The following ANGPTL4 variants were observed in gnomAD, a reference collection of about 807,000 sequenced individuals.
ANGPTL4 encodes the protein angiopoietin-related protein 4.
In ANGPTL4, 39 loss-of-function variants were observed where a neutral mutation model predicts 39.2. That is an observed-to-expected ratio of 1.00 (90% CI 0.77 to 1.30). The LOEUF (loss-of-function observed/expected upper bound fraction) is 1.30. Ranked by LOEUF, ANGPTL4 falls within the 50% of genes most tolerant of loss-of-function variation. ANGPTL4 has a pLI of 0.00. For missense variants in ANGPTL4, 545 were observed against 549.8 expected (o/e 0.99, Z 0.09); for synonymous variants, 233 against 229.5 (o/e 1.02, Z -0.14).
chr19:8,373,009 C>T (rs908259531), intron 6 of ANGPTL4, among the ~76,000 whole-genome samples: 25 of 151,616 alleles, frequency 1.6e-4, no homozygotes, highest in Non-Finnish European at 3.4e-4. Context: ...GGGCTCACAC[C>T]TGTAATCCCA....
chr19:8,374,186 C>T lies in ANGPTL4; in HGVS notation c.*300C>T, dbSNP rs1971187701. 4.9e-6 allele frequency: 2 copies of T among 412,060 alleles called. No homozygotes were observed. Among genetic ancestry groups the T allele is most frequent in the Non-Finnish European group, 9.1e-6 (2 of 219,830 alleles). 25.5% of individuals were successfully genotyped at this position (412,060 alleles called of 1,614,324 possible). On this transcript the variant is annotated 3_prime_UTR_variant, in exon 7 of 7. Coordinates refer to ENST00000301455, the MANE Select transcript of ANGPTL4 (RefSeq NM_139314.3). ...GGGACTCAGAGGGACCACTTGGGGC[C>T]AGCCAGACTGGCCTCAATGGCGGAC...
At chr19:8,369,003 G>T (rs757915624) in intron 3 of ANGPTL4, among the ~76,000 whole-genome samples, 1 of 152,212 alleles carries the variant, frequency 6.6e-6, no homozygotes, top group African/African-American at 2.4e-5. Flanking sequence ...GGATGGGCAC[G>T]GGGGCTGGTC....
intron 6 of ANGPTL4, 155 bp from the exon 7 acceptor site, chr19:8,373,550 G>C (rs1047171853): frequency 2.6e-6 from 1 of 379,646 alleles, no homozygotes; most frequent in Non-Finnish European, 3.6e-6. Flanking sequence ...CAGCCTGGGT[G>C]ACAGAGTAAG....
rs937676104 is a variant in ANGPTL4, at chr19:8,372,086, C to T, written c.1039+564C>T. On this transcript the variant is annotated intron_variant, in intron 6 of 6. Coordinates refer to ENST00000301455, the MANE Select transcript of ANGPTL4 (RefSeq NM_139314.3). The stretch of plus-strand genomic sequence containing the variant: ...TTATTTATTTTTTGAGACAGAGTCC[C>T]GCTGTGTCTCCCAGGCTGGAGTGCA... 4.0e-5 allele frequency among the ~76,000 whole-genome samples: 6 copies of T among 150,324 alleles called. No individual in the cohort carries two copies. The East Asian group carries it at 6.0e-4, about 15-fold the overall frequency.
At chr19:8,365,306 C>T (rs950631695) in intron 1 of ANGPTL4, among the ~76,000 whole-genome samples, 1 of 151,492 alleles carries the variant, frequency 6.6e-6, no homozygotes, top group Non-Finnish European at 1.5e-5. Context: ...AGTGAAACCC[C>T]GTCTCTACTA....
In ANGPTL4 at chr19:8,371,183, G is replaced by A. The variant is rs1296722834; in HGVS notation, c.757+32G>A. 13 of 1,613,952 alleles carry A rather than the reference G, an allele frequency of 8.1e-6. No individual in the cohort carries two copies. Among genetic ancestry groups the A allele is most frequent in the Non-Finnish European group, 1.1e-5 (13 of 1,180,000 alleles). ...GTTTCTAGTGGGGACAGAGGCAGGG[G>A]AGGAAGAGGGACCCTCAGAAGTGGC... On this transcript the variant is annotated intron_variant, in intron 5 of 6. Coordinates refer to ENST00000301455, the MANE Select transcript of ANGPTL4 (RefSeq NM_139314.3). This position sits in a 1 kb window ranked among gnomAD's most constrained non-coding sequence, Gnocchi z 5.1.
At chr19:8,370,933 G>T in intron 4 of ANGPTL4, 123 bp from the exon 5 acceptor site, 1 of 1,062,158 alleles carries the variant, frequency 9.4e-7, no homozygotes, top group Non-Finnish European at 1.4e-6. Flanking sequence ...AGTCCTCCAG[G>T]GATGAGTGAG....
At chr19:8,370,204 C>T (rs1971086712) in intron 4 of ANGPTL4, among the ~76,000 whole-genome samples, 1 of 148,376 alleles carries the variant, frequency 6.7e-6, no homozygotes. Context: ...CTCCGTCCCC[C>T]CATCAAAAAA....
chr19:8,372,837 G>A (rs1971150757), intron 6 of ANGPTL4, among the ~76,000 whole-genome samples: 1 of 151,930 alleles, frequency 6.6e-6, no homozygotes, highest in East Asian at 1.9e-4. Context: ...CACACCTGTG[G>A]TCCCAGCTAC....
Position 8,366,250 on chromosome 19 carries a change from G to A in ANGPTL4, c.478G>A (p.Ala160Thr), listed in dbSNP as rs955089763. ...CCTAGACCATGAGGTGGCCAAGCCT[G>A]CCCGAAGAAAGAGGCTGCCCGAGAT... Reference protein sequence around the residue: ...KHLDHEVAKPARRKRLPEMAQ... With the variant: ...KHLDHEVAKPTRRKRLPEMAQ... The change falls in exon 3 of 7, where the codon GCC (alanine) becomes ACC (threonine). Residue 160 changes from alanine (A) to threonine (T), a missense_variant. Ala to Thr is a moderately conservative substitution (Grantham distance 58). Coordinates refer to ENST00000301455, the MANE Select transcript of ANGPTL4 (RefSeq NM_139314.3). 2.5e-6 allele frequency: 4 copies of A among 1,614,114 alleles called. No homozygotes were observed. The highest frequency in any genetic ancestry group is 1.7e-5 in the Admixed American group (1 of 60,002).
chr19:8,370,965 T>G, intron 4 of ANGPTL4, 91 bp from the exon 5 acceptor site: 10 of 1,380,366 alleles, frequency 7.2e-6, no homozygotes, highest in South Asian at 1.2e-5. Context: ...CTTCCTGGGT[T>G]TGGAGGGGGT....
rs2023378477 is a variant in ANGPTL4 at position 8,364,556 on chromosome 19, G to C, written c.235G>C (p.Ala79Pro). The change falls in exon 1 of 7, where the codon GCC becomes CCC. Residue 79 changes from alanine (A) to proline (P), a missense_variant. By Grantham distance (27) the Ala-to-Pro change is conservative (BLOSUM62 -1). Coordinates refer to ENST00000301455, the MANE Select transcript of ANGPTL4 (RefSeq NM_139314.3). ...LERRLSACGSACQGTEGSTDL... is the reference protein window; with the variant it reads ...LERRLSACGSPCQGTEGSTDL... ...GCGGCGCCTGAGCGCGTGCGGGTCCGCCTGTCAGGGAACCGAGGGGTCCAC... is the reference window on the plus strand; with the variant it reads ...GCGGCGCCTGAGCGCGTGCGGGTCCCCCTGTCAGGGAACCGAGGGGTCCAC... 2.5e-6 allele frequency: 4 copies of C among 1,579,448 alleles called. No homozygotes were observed. The African/African-American group carries it at 4.0e-5, about 16-fold the overall frequency.
chr19:8,373,811 C>A lies in ANGPTL4; in HGVS notation c.1146C>A (p.Thr382=). ...TTAAGAAGGGAATCTTCTGGAAGAC[C>A]TGGCGGGGCCGCTACTACCCGCTGC... The part of the protein sequence containing the change: ...QKLKKGIFWK[T]WRGRYYPLQA... Residue 382 remains threonine (T), a synonymous_variant, in exon 7 of 7, where the codon ACC becomes ACA. Coordinates refer to ENST00000301455, the MANE Select transcript of ANGPTL4 (RefSeq NM_139314.3). The A allele has an allele frequency of 6.2e-7, 1 of 1,613,934 alleles. No individual in the cohort carries two copies. The highest frequency in any genetic ancestry group is 1.1e-5 in the South Asian group (1 of 91,084).
chr19:8,373,274 G>A (rs1971160060), intron 6 of ANGPTL4, among the ~76,000 whole-genome samples: 1 of 151,892 alleles, frequency 6.6e-6, no homozygotes, highest in Non-Finnish European at 1.5e-5. Flanking sequence ...GCGTGGTGGC[G>A]GGTGCCTGTA....
rs1971184125 is a variant in ANGPTL4, at chr19:8,374,049, G to A, written c.*163G>A. The A allele has an allele frequency of 4.1e-6, 3 of 736,114 alleles. No homozygotes were observed. The highest frequency in any genetic ancestry group is 1.8e-5 in the African/African-American group (1 of 56,410). 45.6% of individuals were successfully genotyped at this position (736,114 alleles called of 1,614,324 possible). A position where few individuals can be genotyped will look rare whatever the true frequency, so the allele number is the denominator to read the frequency against. ...GACTGGAGAAGCCCCCTTTCTGAGT[G>A]CAGGGGGGCTGCATGCGTTGCCTCC... On this transcript the variant is annotated 3_prime_UTR_variant, in exon 7 of 7. Coordinates refer to ENST00000301455, the MANE Select transcript of ANGPTL4 (RefSeq NM_139314.3).
In ANGPTL4 at chr19:8,373,769, A is replaced by C. The variant is rs2145488319; in HGVS notation, c.1104A>C (p.Pro368=). The C allele has an allele frequency of 1.2e-6, 2 of 1,613,898 alleles. No individual in the cohort carries two copies. The highest frequency in any genetic ancestry group is 4.5e-5 in the East Asian group (2 of 44,874). Residue 368 remains proline (P), a synonymous_variant, in exon 7 of 7, where the codon CCA becomes CCC. Coordinates refer to ENST00000301455, the MANE Select transcript of ANGPTL4 (RefSeq NM_139314.3). ...NLNGQYFRSI[P]QQRQKLKKGI... ...ACGGCCAGTACTTCCGCTCCATCCC[A>C]CAGCAGCGGCAGAAGCTTAAGAAGG... is the stretch of plus-strand genomic sequence containing the variant.
chr19:8,370,774 C>T (rs576182168), intron 4 of ANGPTL4, among the ~76,000 whole-genome samples: 21 of 151,692 alleles, frequency 1.4e-4, no homozygotes, highest in African/African-American at 4.4e-4. Context: ...GGTTACAACA[C>T]GGGGTTTTAC....
intron 3 of ANGPTL4, among the ~76,000 whole-genome samples, chr19:8,368,805 A>T (rs962370597): frequency 6.6e-6 from 1 of 152,162 alleles, no homozygotes; most frequent in Non-Finnish European, 1.5e-5. Flanking sequence ...CAGTGAGCCA[A>T]GATTGCGCCA....
chr19:8,364,745 C>G, intron 1 of ANGPTL4, 106 bp downstream of exon 1: 1 of 1,354,030 alleles, frequency 7.4e-7, no homozygotes. Flanking sequence ...CTGTGGCTCC[C>G]TGGGCTTCCC....
Sources: gnomAD v4.1 joint callset for allele counts (sites outside exome capture counted in the v4.1 genomes callset) on GRCh38, gnomAD v4.1.1 for gene constraint, Gnocchi (gnomAD v3.1) non-coding constraint, MANE v1.5 for transcripts, NCBI Gene and HGNC (gene_info 2026-07-23, HGNC 2026-07-21) for gene names.